C4orf36: variants seen among roughly 807,000 people sequenced by gnomAD.
C4orf36 encodes chromosome 4 open reading frame 36.
A neutral mutation model predicts 12.2 loss-of-function variants in C4orf36; 11 were observed. That is an observed-to-expected ratio of 0.90 (90% CI 0.57 to 1.49). The LOEUF is 1.49. C4orf36 is among the 40% of genes most tolerant of loss of function. The pLI is 0.00. For missense variants in C4orf36, 137 were observed against 133.9 expected (o/e 1.02, Z -0.11); for synonymous variants, 54 against 51.3 (o/e 1.05, Z -0.22).
chr4:86,917,114 C>CA, the C4orf36 span, among the ~76,000 whole-genome samples: 63 of 151,712 alleles, frequency 4.2e-4, no homozygotes, highest in East Asian at 6.0e-3. Context: ...ACCATTTCTA[C>CA]AAAAAAAATA....
chr4:86,911,492 C>T, the C4orf36 span, among the ~76,000 whole-genome samples: 2,242 of 152,316 alleles, frequency 0.015, 36 homozygotes, highest in Non-Finnish European at 0.019. Flanking sequence ...TGGAAATCCC[C>T]TGGAACTCTA....
chr4:86,899,468 A>C, the C4orf36 span, among the ~76,000 whole-genome samples: 1 of 152,206 alleles, frequency 6.6e-6, no homozygotes, highest in Non-Finnish European at 1.5e-5. Flanking sequence ...GAAAGTCTCT[A>C]AAATGTATTT....
upstream of C4orf36, among the ~76,000 whole-genome samples, chr4:86,895,885 AAAGT>A (rs1249868188): frequency 6.6e-6 from 1 of 152,364 alleles, no homozygotes; most frequent in East Asian, 1.9e-4. Context: ...TCTATGCCAG[AAAGT>A]AAGCAAGTAT....
At chr4:86,890,638 A>G (rs572946085) in intron 2 of C4orf36, among the ~76,000 whole-genome samples, 1 of 152,310 alleles carries the variant, frequency 6.6e-6, no homozygotes, top group East Asian at 1.9e-4. Flanking sequence ...CTGGTTTTAT[A>G]ATCCCGTAGG....
chr4:86,926,292 A>C, the C4orf36 span: 1 of 152,232 alleles, frequency 6.6e-6, no homozygotes, highest in Non-Finnish European at 1.5e-5. Flanking sequence ...TAGGGATGGT[A>C]CCATGTTTGA....
At chr4:86,928,821 C>T in the C4orf36 span, among the ~76,000 whole-genome samples, 10 of 152,182 alleles carry the variant, frequency 6.6e-5, no homozygotes, top group East Asian at 1.9e-4. Context: ...CCTCTGCCCA[C>T]GAAGTTTCAT....
chr4:86,907,194 T>A, the C4orf36 span, among the ~76,000 whole-genome samples: 1 of 152,256 alleles, frequency 6.6e-6, no homozygotes, highest in South Asian at 2.1e-4. Flanking sequence ...TAGAGTCTTG[T>A]GAAAAATACA....
At chr4:86,891,413 A>G (rs377328926) in intron 2 of C4orf36, 43 bp downstream of exon 2, 9 of 1,568,830 alleles carry the variant, frequency 5.7e-6, no homozygotes, top group South Asian at 2.2e-5. Flanking sequence ...TCCCCACCGC[A>G]GTCAATGCTT....
upstream of C4orf36, among the ~76,000 whole-genome samples, chr4:86,895,944 A>G (rs776664837): frequency 2.0e-5 from 3 of 152,352 alleles, no homozygotes; most frequent in East Asian, 5.8e-4. Context: ...TAGTGTTAAC[A>G]CTAAAGCACA....
At chr4:86,903,145 C>A in the C4orf36 span, among the ~76,000 whole-genome samples, 1 of 152,166 alleles carries the variant, frequency 6.6e-6, no homozygotes. Context: ...GAAAAGGAAG[C>A]CTCAAGAATT....
At chr4:86,917,483 A>AT in the C4orf36 span, among the ~76,000 whole-genome samples, 1 of 141,476 alleles carries the variant, frequency 7.1e-6, no homozygotes, top group Non-Finnish European at 1.6e-5. Context: ...AAATAAAGAA[A>AT]AAGAAAGGGA....
the C4orf36 span, chr4:86,913,378 T>C: frequency 2.5e-6 from 2 of 793,910 alleles, no homozygotes; most frequent in Non-Finnish European, 4.4e-6. Context: ...AATAGAGACT[T>C]GAGTGATGCT....
At chr4:86,883,407 C>G (rs1212952174) in intron 4 of C4orf36, among the ~76,000 whole-genome samples, 1 of 152,108 alleles carries the variant, frequency 6.6e-6, no homozygotes, top group Non-Finnish European at 1.5e-5. Flanking sequence ...TTCAAGACTC[C>G]TGGTCTGCAC....
chr4:86,890,554 AG>A (rs1325754107), intron 2 of C4orf36, among the ~76,000 whole-genome samples: 1 of 152,072 alleles, frequency 6.6e-6, no homozygotes, highest in East Asian at 1.9e-4. Context: ...CCATAGTTCA[AG>A]GTCTAAATAC....
chr4:86,903,278 G>A, the C4orf36 span, among the ~76,000 whole-genome samples: 69 of 152,296 alleles, frequency 4.5e-4, 1 homozygote, highest in African/African-American at 1.0e-3. Context: ...TTGGGAGGCC[G>A]AGGCCGGTGG....
intron 4 of C4orf36, among the ~76,000 whole-genome samples, chr4:86,877,056 AAG>A (rs1284060243): frequency 6.6e-6 from 1 of 152,254 alleles, no homozygotes; most frequent in African/African-American, 2.4e-5. Context: ...CCTAAAAAGA[AAG>A]AGTTCAGGCC....
chr4:86,914,391 C>CTTTTTTTTTTT, the C4orf36 span: 1 of 327,272 alleles, frequency 3.1e-6, no homozygotes, highest in Non-Finnish European at 5.4e-6. Flanking sequence ...CTTCTTCTTC[C>CTTTTTTTTTTT]TTTTTTTTTT....
chr4:86,920,897 CG>C, the C4orf36 span, among the ~76,000 whole-genome samples: 1 of 151,754 alleles, frequency 6.6e-6, no homozygotes, highest in Non-Finnish European at 1.5e-5. Context: ...TTTGTGGGGC[CG>C]GGGTGGCTCA....
chr4:86,903,388 G>A, the C4orf36 span, among the ~76,000 whole-genome samples: 23,853 of 152,178 alleles, frequency 0.16, 2,194 homozygotes, highest in Middle Eastern at 0.21. Context: ...GTGCACACCT[G>A]TAGACCCAGT....
Sources: allele counts gnomAD v4.1 joint callset (sites outside exome capture counted in the v4.1 genomes callset), GRCh38; gene constraint gnomAD v4.1.1; transcripts MANE v1.5; gene names NCBI Gene and HGNC (gene_info 2026-07-23, HGNC 2026-07-21).